The following RBFOX1 variants were observed in gnomAD, a reference collection of about 807,000 sequenced individuals.
RBFOX1 encodes the protein RNA binding protein fox-1 homolog 1.
In RBFOX1, 8 loss-of-function variants were observed where a neutral mutation model predicts 57.7. The observed-to-expected ratio is 0.14, with a 90% CI of 0.08 to 0.25. The LOEUF is 0.25. RBFOX1 is among the 10% of genes least tolerant of loss of function. RBFOX1 has a pLI of 1.00. For missense variants in RBFOX1, 611 were observed against 548.5 expected (o/e 1.11, Z -1.14); for synonymous variants, 326 against 222.4 (o/e 1.47, Z -4.15).
At chr16:7,224,935 A>T (rs2092997207) in intron 4 of RBFOX1, among the ~76,000 whole-genome samples, 1 of 152,212 alleles carries the variant, frequency 6.6e-6, no homozygotes, top group African/African-American at 2.4e-5. Flanking sequence ...AGTCACAGTG[A>T]TGAGGAGGGT....
intron 3 of RBFOX1, among the ~76,000 whole-genome samples, chr16:6,800,348 T>C (rs1489542026): frequency 6.6e-6 from 1 of 152,164 alleles, no homozygotes; most frequent in Non-Finnish European, 1.5e-5. Flanking sequence ...CTACCTATTT[T>C]TGTTTTTCAT....
chr16:5,967,325 C>G (rs1389343489), intron 4 of RBFOX1, among the ~76,000 whole-genome samples: 1 of 152,164 alleles, frequency 6.6e-6, no homozygotes, highest in Middle Eastern at 3.2e-3. Context: ...TACTGTGGCT[C>G]TTGAGTTCTT....
intron 1 of RBFOX1, among the ~76,000 whole-genome samples, chr16:6,114,115 T>C (rs2096474165): frequency 6.6e-6 from 1 of 152,234 alleles, no homozygotes; most frequent in Admixed American, 6.5e-5. Context: ...TCATCTTCTC[T>C]CATATTCACA....
At chr16:6,331,845 T>G (rs2083078074) in intron 2 of RBFOX1, among the ~76,000 whole-genome samples, 1 of 152,084 alleles carries the variant, frequency 6.6e-6, no homozygotes, top group Non-Finnish European at 1.5e-5. Flanking sequence ...CTATTAAAGT[T>G]TGCTTGGTGG....
At chr16:6,232,723 T>G (rs1198653744) in intron 1 of RBFOX1, among the ~76,000 whole-genome samples, 1 of 152,182 alleles carries the variant, frequency 6.6e-6, no homozygotes, top group Non-Finnish European at 1.5e-5. Flanking sequence ...GTCTCTGAGT[T>G]TCTCTTAATG....
At chr16:6,816,183 C>T (rs958965466) in intron 3 of RBFOX1, among the ~76,000 whole-genome samples, 10 of 152,040 alleles carry the variant, frequency 6.6e-5, no homozygotes, top group African/African-American at 1.7e-4. Context: ...TGGTGATGCT[C>T]ACTTGTAATC....
intron 4 of RBFOX1, among the ~76,000 whole-genome samples, chr16:7,160,323 C>A (rs2078040899): frequency 6.6e-6 from 1 of 151,990 alleles, no homozygotes; most frequent in African/African-American, 2.4e-5. Flanking sequence ...ACTTTGACTG[C>A]CTAGTGTGTA....
In RBFOX1 at chr16:5,308,045, A is replaced by G. The variant is rs1229640401; in HGVS notation, c.219+67940A>G. 6.6e-5 allele frequency among the ~76,000 whole-genome samples: 10 copies of G among 152,306 alleles called. No homozygotes were observed. The East Asian group carries it at 1.3e-3, about 21-fold the overall frequency. On this transcript the variant is annotated intron_variant, in intron 1 of 2. Transcript: ENST00000585867. ...ATAAAGCAGTACTGAGAGGCTTACAATGAAAAATAACTGGCCAGGTGTAGT... is the reference window on the plus strand; with the variant it reads ...ATAAAGCAGTACTGAGAGGCTTACAGTGAAAAATAACTGGCCAGGTGTAGT...
At chr16:7,437,733 A>G (rs546137197) in intron 4 of RBFOX1, among the ~76,000 whole-genome samples, 55 of 152,318 alleles carry the variant, frequency 3.6e-4, no homozygotes, top group African/African-American at 1.3e-3. Flanking sequence ...AGCTCTGAGA[A>G]GCATCTTTGA....
At chr16:6,278,419 C>T (rs1370690124) in intron 1 of RBFOX1, among the ~76,000 whole-genome samples, 1 of 107,426 alleles carries the variant, frequency 9.3e-6, no homozygotes, top group Non-Finnish European at 1.8e-5. Context: ...AAAATAGAGG[C>T]ACAACACAAG....
chr16:5,683,270 C>G, intron 3 of RBFOX1, among the ~76,000 whole-genome samples: 1 of 152,148 alleles, frequency 6.6e-6, no homozygotes, highest in East Asian at 1.9e-4. Context: ...CCAAGAGATT[C>G]TGACTTCCTT....
chr16:5,547,760 C>G (rs1416445889), intron 2 of RBFOX1, among the ~76,000 whole-genome samples: 1 of 152,142 alleles, frequency 6.6e-6, no homozygotes, highest in Non-Finnish European at 1.5e-5. Context: ...ATGGATCCAA[C>G]TGGAGGCCAT....
At chr16:7,701,492 C>G (rs182610614) in intron 14 of RBFOX1, among the ~76,000 whole-genome samples, 1 of 152,190 alleles carries the variant, frequency 6.6e-6, no homozygotes, top group Non-Finnish European at 1.5e-5. Flanking sequence ...GCCTGATGAT[C>G]TGAAGTGGAA....
At chr16:6,145,100 A>T (rs562856946) in intron 1 of RBFOX1, among the ~76,000 whole-genome samples, 1 of 151,994 alleles carries the variant, frequency 6.6e-6, no homozygotes, top group Non-Finnish European at 1.5e-5. Flanking sequence ...AACTTGTGTC[A>T]TGGGGGTTTG....
chr16:7,647,556 A>G (rs74716811), intron 11 of RBFOX1, among the ~76,000 whole-genome samples: 8 of 30,566 alleles, frequency 2.6e-4, no homozygotes, highest in Non-Finnish European at 7.7e-4. Flanking sequence ...GAAAAAAAAA[A>G]AAAAAGCAAA....
chr16:5,722,014 G>T (rs946259577), intron 3 of RBFOX1, among the ~76,000 whole-genome samples: 1 of 152,162 alleles, frequency 6.6e-6, no homozygotes, highest in African/African-American at 2.4e-5. Flanking sequence ...TGTTGCCTGG[G>T]TTGGGCTCTA....
chr16:6,287,616 G>A (rs2077029235), intron 1 of RBFOX1, among the ~76,000 whole-genome samples: 1 of 152,154 alleles, frequency 6.6e-6, no homozygotes, highest in Non-Finnish European at 1.5e-5. Context: ...ATGACTAAAT[G>A]TGTAATCAGA....
chr16:7,173,052 G>C (rs2081009791), intron 4 of RBFOX1, among the ~76,000 whole-genome samples: 1 of 152,104 alleles, frequency 6.6e-6, no homozygotes, highest in Admixed American at 6.5e-5. Flanking sequence ...TAAGATATTA[G>C]TACCCAACAA....
intron 11 of RBFOX1, among the ~76,000 whole-genome samples, chr16:7,653,601 C>T (rs1253972081): frequency 6.6e-6 from 1 of 152,214 alleles, no homozygotes; most frequent in Non-Finnish European, 1.5e-5. Context: ...TTCTCCTGGG[C>T]AAAGGGCCCA....
Sources: allele counts gnomAD v4.1 joint callset (sites outside exome capture counted in the v4.1 genomes callset), GRCh38; gene constraint gnomAD v4.1.1; transcripts MANE v1.5; gene names NCBI Gene and HGNC (gene_info 2026-07-23, HGNC 2026-07-21).